Variants in COL24A1 observed in about 807,000 individuals in gnomAD.
COL24A1 encodes collagen alpha-1(XXIV) chain.
COL24A1 carries 224 observed loss-of-function variants against 253.9 expected under a neutral mutation model. That is an observed-to-expected ratio of 0.88 (90% CI 0.79 to 0.99). COL24A1 has a LOEUF of 0.99. Among genes scored for constraint, COL24A1 ranks in the 50% least tolerant of loss-of-function variants. The pLI, the probability that COL24A1 is intolerant of heterozygous loss-of-function variation, is 0.00. For missense variants in COL24A1, 2,131 were observed against 2,068.5 expected, an observed-to-expected ratio of 1.03 and a Z score of -0.59; for synonymous variants, 685 against 673.7, an observed-to-expected ratio of 1.02 and a Z score of -0.26.
At chr1:85,916,099 T>C (rs1348826223) in intron 24 of COL24A1, among the ~76,000 whole-genome samples, 1 of 152,184 alleles carries the variant, frequency 6.6e-6, no homozygotes, top group African/African-American at 2.4e-5. Flanking sequence ...ATAAATACTT[T>C]ATATATAAAG....
rs2102325053 is a variant in COL24A1 at position 85,849,369 on chromosome 1, C to A, written c.3338G>T (p.Gly1113Val). Residue 1113 changes from glycine (G) to valine (V), a missense_variant, in exon 38 of 60, where the codon GGT (glycine) becomes GTT (valine). Transcript: ENST00000370571. Reference protein sequence around the residue: ...EGIVGIPGQRGRPGKKGDKGQ... With the variant: ...EGIVGIPGQRVRPGKKGDKGQ... ...AAAAATTACCTTTTTTCCTGGACGA[C>A]CTCTTTGCCCTGGAATTCCCACAAT... is the stretch of plus-strand genomic sequence containing the variant. 1.2e-6 allele frequency: 2 copies of A among 1,612,688 alleles called. No homozygotes were observed. Among genetic ancestry groups the A allele is most frequent in the Non-Finnish European group, 1.7e-6 (2 of 1,179,236 alleles).
intron 13 of COL24A1, among the ~76,000 whole-genome samples, chr1:86,032,282 C>T (rs751452752): frequency 2.8e-4 from 43 of 152,094 alleles, no homozygotes; most frequent in Non-Finnish European, 5.4e-4. Flanking sequence ...GTGGTCAGCA[C>T]GTAGGGTTAG....
intron 2 of COL24A1, among the ~76,000 whole-genome samples, chr1:86,145,848 A>G (rs916450723): frequency 1.3e-5 from 2 of 152,068 alleles, no homozygotes; most frequent in Non-Finnish European, 2.9e-5. Context: ...AGTCACAAGC[A>G]AAGCCTTTTT....
rs1401096802 is a variant in COL24A1, at chr1:86,146,182, T to C, written c.58A>G (p.Lys20Glu). 8.7e-6 allele frequency: 14 copies of C among 1,610,100 alleles called. No homozygotes were observed. The highest frequency in any genetic ancestry group is 1.1e-5 in the Non-Finnish European group (13 of 1,178,100). ...AGTACAATAAAATGAAGAAGTGATT[T>C]CCTAGGAAAAGAAAAAAGCATTTGG... Reference protein sequence around the residue: ...RGKVSPTAKTKSLLHFIVLCV... With the variant: ...RGKVSPTAKTESLLHFIVLCV... The change falls in exon 2 of 60, where the codon AAA (lysine) becomes GAA (glutamate). Residue 20 changes from lysine (K) to glutamate (E), a missense_variant and splice_region_variant. Lys to Glu is a moderately conservative substitution (Grantham distance 56). Transcript: ENST00000370571.
chr1:85,891,355 C>T (rs535522524), intron 31 of COL24A1, among the ~76,000 whole-genome samples: 370 of 151,982 alleles, frequency 2.4e-3, no homozygotes, highest in Middle Eastern at 6.8e-3. Flanking sequence ...TGAGCCTCTG[C>T]GCCCGGCCGT....
At chr1:86,038,145 T>C (rs1699175309) in intron 12 of COL24A1, among the ~76,000 whole-genome samples, 1 of 152,162 alleles carries the variant, frequency 6.6e-6, no homozygotes, top group South Asian at 2.1e-4. Context: ...ATAATATGCA[T>C]TGTTTAATAA....
intron 37 of COL24A1, among the ~76,000 whole-genome samples, chr1:85,855,591 T>A (rs1435732702): frequency 1.3e-5 from 2 of 152,238 alleles, no homozygotes; most frequent in East Asian, 3.8e-4. Context: ...AGCTTTTTGA[T>A]GTGCTGCTAA....
intron 3 of COL24A1, among the ~76,000 whole-genome samples, chr1:86,120,675 T>G (rs1485339370): frequency 2.0e-5 from 3 of 152,102 alleles, no homozygotes; most frequent in Non-Finnish European, 4.4e-5. Context: ...GAAATAGGAA[T>G]GCTCTTACAC....
intron 56 of COL24A1, 139 bp from the exon 57 acceptor site, chr1:85,744,973 G>A: frequency 1.6e-6 from 1 of 607,006 alleles, no homozygotes; most frequent in Non-Finnish European, 2.8e-6. Context: ...TTAAGCATAG[G>A]CATATGTGTA....
intron 53 of COL24A1, among the ~76,000 whole-genome samples, chr1:85,763,763 G>A (rs961111682): frequency 2.0e-5 from 3 of 151,966 alleles, no homozygotes; most frequent in African/African-American, 7.2e-5. Context: ...CCAAAGTGCT[G>A]GGATTACAGG....
intron 42 of COL24A1, among the ~76,000 whole-genome samples, chr1:85,839,602 T>C (rs1288002187): frequency 6.6e-6 from 1 of 151,922 alleles, no homozygotes; most frequent in East Asian, 1.9e-4. Context: ...CTGGCCCTGG[T>C]GGCACGAGCC....
intron 10 of COL24A1, among the ~76,000 whole-genome samples, chr1:86,051,553 A>G (rs985205349): frequency 1.3e-5 from 2 of 152,094 alleles, no homozygotes; most frequent in African/African-American, 4.8e-5. Context: ...AGTCTGTGTG[A>G]TTGGTGGGCA....
intron 55 of COL24A1, 28 bp downstream of exon 55, chr1:85,761,368 A>G (rs752714421): frequency 6.2e-7 from 1 of 1,613,340 alleles, no homozygotes; most frequent in Admixed American, 1.7e-5. Flanking sequence ...AAGATAAAAC[A>G]AAACAAAATC....
intron 53 of COL24A1, among the ~76,000 whole-genome samples, chr1:85,773,173 T>C (rs1668157561): frequency 6.6e-6 from 1 of 152,306 alleles, no homozygotes; most frequent in East Asian, 1.9e-4. Context: ...AAACATCAGA[T>C]GGTGGTAGAT....
chr1:85,932,344 C>T (rs1687817400), intron 24 of COL24A1, among the ~76,000 whole-genome samples: 1 of 70,576 alleles, frequency 1.4e-5, no homozygotes, highest in African/African-American at 5.0e-5. Flanking sequence ...AAATGCTCAT[C>T]ATCACTGGCC....
At chr1:85,864,547 A>T (rs1197418472) in intron 37 of COL24A1, among the ~76,000 whole-genome samples, 1 of 152,198 alleles carries the variant, frequency 6.6e-6, no homozygotes, top group East Asian at 1.9e-4. Flanking sequence ...ATATATATAA[A>T]AAATAGACAT....
At chr1:86,072,084 C>T (rs1701917988) in intron 7 of COL24A1, among the ~76,000 whole-genome samples, 1 of 152,148 alleles carries the variant, frequency 6.6e-6, no homozygotes, top group South Asian at 2.1e-4. Flanking sequence ...ACTGGGCGGC[C>T]ATTTGGGGAG....
At chr1:86,126,344 A>G (rs902655320) in intron 2 of COL24A1, 130 bp from the exon 3 acceptor site, 1 of 750,242 alleles carries the variant, frequency 1.3e-6, no homozygotes, top group South Asian at 1.9e-5. Context: ...TGTTCTATCA[A>G]TAACTAATTA....
intron 12 of COL24A1, among the ~76,000 whole-genome samples, chr1:86,035,379 T>C (rs1006413556): frequency 5.9e-5 from 9 of 152,174 alleles, no homozygotes; most frequent in South Asian, 2.1e-4. Flanking sequence ...AGAGGAAATA[T>C]ACTACAGTAA....
Sources: gnomAD v4.1 joint callset for allele counts (sites outside exome capture counted in the v4.1 genomes callset) on GRCh38, gnomAD v4.1.1 for gene constraint, MANE v1.5 for transcripts, NCBI Gene and HGNC (gene_info 2026-07-23, HGNC 2026-07-21) for gene names.